Variants in PHF24 observed in about 807,000 individuals in gnomAD.
PHF24 encodes the protein Galpha inhibitory interacting protein.
A neutral mutation model predicts 42.6 loss-of-function variants in PHF24; 25 were observed. The observed-to-expected ratio is 0.59, with a 90% CI of 0.43 to 0.82. The LOEUF is 0.82. Ranked by LOEUF, PHF24 falls within the 40% of genes least tolerant of loss-of-function variation. The pLI is 0.00. For missense variants in PHF24, 470 were observed against 538.1 expected (o/e 0.87, Z 1.25); for synonymous variants, 185 against 204.8 (o/e 0.90, Z 0.83).
At chr9:34,971,216 T>A (rs750581166) in intron 1 of PHF24, 79 bp from the exon 2 acceptor site, 75 of 1,487,498 alleles carry the variant, frequency 5.0e-5, no homozygotes, top group Non-Finnish European at 6.6e-5. Flanking sequence ...TAATAGCCCT[T>A]GCCACTTAGG....
chr9:34,758,743 G>T, the PHF24 span, among the ~76,000 whole-genome samples: 3 of 152,122 alleles, frequency 2.0e-5, no homozygotes, highest in African/African-American at 4.8e-5. This position sits in a 1 kb window ranked among gnomAD's most constrained non-coding sequence, Gnocchi z 4.4. Flanking sequence ...CTAATGCAGG[G>T]CAATGTAGCT....
At chr9:34,765,308 T>C in the PHF24 span, among the ~76,000 whole-genome samples, 1 of 151,066 alleles carries the variant, frequency 6.6e-6, no homozygotes, top group Non-Finnish European at 1.5e-5. Context: ...GGTGTTAAAG[T>C]CTCCCATTAT....
chr9:34,868,286 AAC>A, the PHF24 span, among the ~76,000 whole-genome samples: 1 of 152,216 alleles, frequency 6.6e-6, no homozygotes, highest in Non-Finnish European at 1.5e-5. Context: ...CATTATCTCA[AAC>A]ATTTTATGTT....
the PHF24 span, among the ~76,000 whole-genome samples, chr9:34,798,389 C>A: frequency 1.3e-5 from 2 of 152,020 alleles, no homozygotes; most frequent in Non-Finnish European, 2.9e-5. Context: ...TTTTGGAGTC[C>A]TTAGTATCTA....
intron 1 of PHF24, among the ~76,000 whole-genome samples, chr9:34,962,045 TG>T (rs1158844200): frequency 6.6e-6 from 1 of 152,240 alleles, no homozygotes; most frequent in Admixed American, 6.5e-5. Flanking sequence ...AGTTTCCTGT[TG>T]GGTCCTAAGG....
At chr9:34,665,904 G>A in the PHF24 span, 1 of 577,636 alleles carries the variant, frequency 1.7e-6, no homozygotes. Flanking sequence ...TAGGGGGCCA[G>A]GGCGAGAGGT....
At chr9:34,852,406 G>A in the PHF24 span, among the ~76,000 whole-genome samples, 3 of 152,112 alleles carry the variant, frequency 2.0e-5, no homozygotes, top group Admixed American at 1.3e-4. Context: ...TTAATAATTA[G>A]CATCCTTTCT....
At position 34,969,968 on chromosome 9, in the gene PHF24, G is replaced by A. The variant is rs369757004; in HGVS notation, c.-4-1327G>A. On this transcript the variant is annotated intron_variant, in intron 1 of 7. Coordinates refer to ENST00000242315, the Ensembl canonical transcript of PHF24. Reference sequence around the variant, plus strand: ...TGTGGTGGGTCTCGCCTTCCTTTAGGTACTCTCAGCACTTTGACTTCTTTG... The same window carrying A: ...TGTGGTGGGTCTCGCCTTCCTTTAGATACTCTCAGCACTTTGACTTCTTTG... 3.2e-4 allele frequency among the ~76,000 whole-genome samples: 49 copies of A among 152,190 alleles called. 2 individuals carry two copies. The South Asian group carries it at 6.7e-3, about 21-fold the overall frequency.
At chr9:34,744,998 A>T in the PHF24 span, among the ~76,000 whole-genome samples, 11 of 152,348 alleles carry the variant, frequency 7.2e-5, no homozygotes, top group African/African-American at 2.6e-4. Context: ...CAGAATCAGA[A>T]GAGACAATAT....
intron 1 of PHF24, among the ~76,000 whole-genome samples, chr9:34,969,410 G>A (rs1424400550): frequency 6.6e-6 from 1 of 151,644 alleles, no homozygotes; most frequent in Non-Finnish European, 1.5e-5. Flanking sequence ...AGGAGGCCGA[G>A]GTGGGCGGAT....
At chr9:34,709,600 C>T in the PHF24 span, 1 of 1,614,178 alleles carries the variant, frequency 6.2e-7, no homozygotes, top group Non-Finnish European at 8.5e-7. Context: ...GGTGTCTTGT[C>T]CAGATGCTGC....
chr9:34,858,359 C>A, the PHF24 span, among the ~76,000 whole-genome samples: 1 of 152,136 alleles, frequency 6.6e-6, no homozygotes, highest in Admixed American at 6.5e-5. Flanking sequence ...CTTGGGCAGG[C>A]TGGCTTGGTG....
At chr9:34,666,774 C>T in the PHF24 span, among the ~76,000 whole-genome samples, 3 of 152,026 alleles carry the variant, frequency 2.0e-5, no homozygotes, top group East Asian at 1.9e-4. Context: ...GGTGAAACCC[C>T]GTCTCTACTA....
chr9:34,857,757 CCT>C, the PHF24 span, among the ~76,000 whole-genome samples: 2 of 152,202 alleles, frequency 1.3e-5, no homozygotes, highest in South Asian at 4.1e-4. Context: ...GCCCCATCCC[CCT>C]GACTGTATAT....
At chr9:34,794,468 T>C in the PHF24 span, among the ~76,000 whole-genome samples, 2 of 152,108 alleles carry the variant, frequency 1.3e-5, no homozygotes, top group African/African-American at 4.8e-5. Flanking sequence ...TCAACTTGCA[T>C]AGAAAAATAC....
At chr9:34,689,394 G>A in the PHF24 span, among the ~76,000 whole-genome samples, 1 of 151,814 alleles carries the variant, frequency 6.6e-6, no homozygotes, top group African/African-American at 2.4e-5. The surrounding 1 kb of genome is among the most constrained non-coding windows in gnomAD (Gnocchi z 4.1). Flanking sequence ...GGCCACAGAA[G>A]AGAAAATAGA....
chr9:34,978,060 C>T lies in PHF24; in HGVS notation c.1152C>T (p.Ile384=), dbSNP rs764193981. ...TCCTGCAAGAGAATGTCCTCTACATCCTGGCTGCTCGCCCCAACAGCGCAG... is the reference window on the plus strand; with the variant it reads ...TCCTGCAAGAGAATGTCCTCTACATTCTGGCTGCTCGCCCCAACAGCGCAG... Residue 384 remains isoleucine, a synonymous_variant, in exon 8 of 8, where the codon ATC becomes ATT. Transcript: ENST00000242315. 63 of 1,614,216 alleles carry T rather than the reference C, an allele frequency of 3.9e-5. No individual in the cohort carries two copies. In the East Asian group the frequency reaches 1.4e-3, roughly 35 times the overall value.
chr9:34,670,533 C>G, the PHF24 span, among the ~76,000 whole-genome samples: 1 of 152,356 alleles, frequency 6.6e-6, no homozygotes, highest in South Asian at 2.1e-4. Context: ...TTCTCTTTCA[C>G]AACTCTCCGC....
the PHF24 span, among the ~76,000 whole-genome samples, chr9:34,899,687 G>A: frequency 9.2e-5 from 14 of 152,112 alleles, no homozygotes; most frequent in Non-Finnish European, 1.8e-4. Flanking sequence ...CTCACACAGC[G>A]GATTACTACC....
Sources: allele counts gnomAD v4.1 joint callset (sites outside exome capture counted in the v4.1 genomes callset), GRCh38; gene constraint gnomAD v4.1.1; non-coding constraint Gnocchi (gnomAD v3.1); transcripts MANE v1.5; gene names NCBI Gene and HGNC (gene_info 2026-07-23, HGNC 2026-07-21).